The following CHIC1 variants were observed in gnomAD, a reference collection of about 807,000 sequenced individuals.
The protein encoded by CHIC1 is cysteine rich hydrophobic domain 1, also known as cysteine-rich hydrophobic domain-containing protein 1.
In CHIC1, 7 loss-of-function variants were observed where a neutral mutation model predicts 18.5. That is an observed-to-expected ratio of 0.38 (90% CI 0.22 to 0.71). The LOEUF (loss-of-function observed/expected upper bound fraction) is 0.71. Ranked by LOEUF, CHIC1 falls within the 30% of genes least tolerant of loss-of-function variation. The probability of loss-of-function intolerance (pLI) is 0.49; values close to 1 mark genes in which losing one functional copy is unlikely to be tolerated. For missense variants in CHIC1, 159 were observed against 176.9 expected, an observed-to-expected ratio of 0.90 and a Z score of 0.57; for synonymous variants, 77 against 73.5, an observed-to-expected ratio of 1.05 and a Z score of -0.25.
intron 3 of CHIC1, among the ~76,000 whole-genome samples, chrX:73,675,119 T>C (rs1464532467): frequency 2.7e-5 from 3 of 112,161 alleles, no homozygotes; most frequent in African/African-American, 9.7e-5. Flanking sequence ...ATAATTTCTA[T>C]TCTTTTACAT....
intron 3 of CHIC1, among the ~76,000 whole-genome samples, chrX:73,593,279 G>T (rs1052533124): frequency 2.7e-5 from 3 of 111,122 alleles, no homozygotes; most frequent in Non-Finnish European, 5.7e-5. Flanking sequence ...TCCTCTAGGT[G>T]CAATGTTAGA....
At chrX:73,570,747 A>G (rs1318161735) in intron 1 of CHIC1, among the ~76,000 whole-genome samples, 1 of 111,222 alleles carries the variant, frequency 9.0e-6, no homozygotes, top group Non-Finnish European at 1.9e-5. Context: ...TCAAATACAG[A>G]TGAACTTTTG....
rs199834524 is a variant in CHIC1 at position 73,666,270 on chromosome X, G to A, written c.508-13056G>A. Among the ~76,000 whole-genome samples the A allele has an allele frequency of 4.5e-5, 5 of 111,662 alleles. No homozygotes were observed. In the East Asian group the frequency reaches 8.4e-4, roughly 19 times the overall value. ...CATTGTTCAGTTTCAATGCAGTTGTGTGATTGTATTGGGGAGTTTATTATG... is the reference window on the plus strand; with the variant it reads ...CATTGTTCAGTTTCAATGCAGTTGTATGATTGTATTGGGGAGTTTATTATG... On this transcript the variant is annotated intron_variant, in intron 3 of 5. Transcript: ENST00000373502.
intron 3 of CHIC1, among the ~76,000 whole-genome samples, chrX:73,611,136 C>T (rs2057706684): frequency 1.9e-5 from 2 of 107,774 alleles, no homozygotes; most frequent in Admixed American, 1.9e-4. Flanking sequence ...CGTCATTTAA[C>T]ATTAGGTATA....
At chrX:73,565,851 A>G (rs1361208529) in intron 1 of CHIC1, among the ~76,000 whole-genome samples, 1 of 111,172 alleles carries the variant, frequency 9.0e-6, no homozygotes, top group Admixed American at 9.6e-5. Flanking sequence ...GAAATATTTA[A>G]TATTCTCTAC....
chrX:73,601,913 A>G (rs928328076), intron 3 of CHIC1, among the ~76,000 whole-genome samples: 1 of 105,493 alleles, frequency 9.5e-6, no homozygotes, highest in African/African-American at 3.7e-5. Flanking sequence ...ACAAACTACC[A>G]TCAGAGAATA....
chrX:73,627,564 A>T (rs1019979122), intron 3 of CHIC1, among the ~76,000 whole-genome samples: 1 of 112,116 alleles, frequency 8.9e-6, no homozygotes, highest in Non-Finnish European at 1.9e-5. Context: ...AAGGCAGAGG[A>T]GCTTGACCCC....
chrX:73,681,214 T>A lies in CHIC1; in HGVS notation c.*209T>A. 1 of 368,172 alleles carries A rather than the reference T, an allele frequency of 2.7e-6. No individual in the cohort carries two copies. Among genetic ancestry groups the A allele is most frequent in the East Asian group, 4.7e-5 (1 of 21,065 alleles). 30.3% of individuals were successfully genotyped at this position (368,172 alleles called of 1,213,427 possible). On this transcript the variant is annotated 3_prime_UTR_variant, in exon 6 of 6. Transcript: ENST00000373502. Reference sequence around the variant, plus strand: ...GGCTTGTGTTTTGCACTCTCAATTTTAAATACACACACATGCGTGTGTGCA... The same window carrying A: ...GGCTTGTGTTTTGCACTCTCAATTTAAAATACACACACATGCGTGTGTGCA...
chrX:73,673,671 A>G (rs1305522278), intron 3 of CHIC1, among the ~76,000 whole-genome samples: 1 of 111,850 alleles, frequency 8.9e-6, no homozygotes, highest in Admixed American at 9.5e-5. Flanking sequence ...GGTTTTCTAG[A>G]TATACAATCA....
At chrX:73,588,527 TG>T (rs1421658134) in intron 3 of CHIC1, among the ~76,000 whole-genome samples, 4 of 111,254 alleles carry the variant, frequency 3.6e-5, no homozygotes, top group Non-Finnish European at 5.7e-5. Flanking sequence ...TTTTATCACC[TG>T]CAAGGAAAAT....
rs2057929992 is a variant in CHIC1 at position 73,653,902 on chromosome X, T to A, written c.508-25424T>A. Among the ~76,000 whole-genome samples the A allele has an allele frequency of 2.7e-5, 3 of 112,696 alleles. No homozygotes were observed. The Admixed American group carries it at 2.8e-4, about 11-fold the overall frequency. On this transcript the variant is annotated intron_variant, in intron 3 of 5. Coordinates refer to ENST00000373502, the MANE Select transcript of CHIC1 (RefSeq NM_001039840.4). ...TATGCTACTGACATTCATGTGTTGA[T>A]TTTGCATCCTGCAACTTTACTGAAT... is the stretch of plus-strand genomic sequence containing the variant.
At chrX:73,659,568 G>C (rs2057969645) in intron 3 of CHIC1, among the ~76,000 whole-genome samples, 1 of 110,194 alleles carries the variant, frequency 9.1e-6, no homozygotes, top group South Asian at 3.9e-4. Context: ...TTAATACCAT[G>C]ACACTTGCAA....
intron 3 of CHIC1, among the ~76,000 whole-genome samples, chrX:73,662,101 G>A (rs2057983771): frequency 9.1e-6 from 1 of 109,925 alleles, no homozygotes; most frequent in Non-Finnish European, 1.9e-5. Flanking sequence ...AAAGAAGTAT[G>A]AGATAAGAAC....
At chrX:73,650,581 A>G (rs2057911183) in intron 3 of CHIC1, among the ~76,000 whole-genome samples, 1 of 110,334 alleles carries the variant, frequency 9.1e-6, no homozygotes, top group Non-Finnish European at 1.9e-5. Context: ...AAAATCTACA[A>G]GAAATTGATA....
chrX:73,643,899 C>T (rs1039229150), intron 3 of CHIC1, among the ~76,000 whole-genome samples: 9 of 112,328 alleles, frequency 8.0e-5, no homozygotes, highest in Admixed American at 9.4e-5. Flanking sequence ...ATCTTTGTTC[C>T]GTTGCTGGTG....
rs780356355 is a variant in CHIC1 at position 73,569,226 on chromosome X, AAACT to A, written c.296+5647_296+5650del. Reference sequence around the variant, plus strand: ...AGAATTTTACGACATTTTCTTAAACAAACTGAGTACGTGAACTTTAATTTGTGCA... The same window carrying A: ...AGAATTTTACGACATTTTCTTAAACAGAGTACGTGAACTTTAATTTGTGCA... On this transcript the variant is annotated intron_variant, in intron 1 of 5. Coordinates refer to ENST00000373502, the MANE Select transcript of CHIC1 (RefSeq NM_001039840.4). 8.6e-3 allele frequency among the ~76,000 whole-genome samples: 959 copies of A among 111,293 alleles called. 5 individuals are homozygous for A. Among genetic ancestry groups the A allele is most frequent in the Non-Finnish European group, 0.014 (764 of 52,860 alleles).
At chrX:73,576,416 A>G (rs2057499518) in intron 1 of CHIC1, among the ~76,000 whole-genome samples, 1 of 109,264 alleles carries the variant, frequency 9.2e-6, no homozygotes. Context: ...TATGACTATA[A>G]CATTACAAGG....
chrX:73,566,131 A>G (rs992404556), intron 1 of CHIC1, among the ~76,000 whole-genome samples: 2 of 109,891 alleles, frequency 1.8e-5, no homozygotes, highest in African/African-American at 3.3e-5. Flanking sequence ...CCAGAATTAT[A>G]TCATCATAGT....
At chrX:73,650,002 C>T (rs1037438374) in intron 3 of CHIC1, among the ~76,000 whole-genome samples, 1 of 112,402 alleles carries the variant, frequency 8.9e-6, no homozygotes, top group African/African-American at 3.2e-5. Context: ...GACCACAGTG[C>T]AATCTAATTA....
Sources: gnomAD v4.1 joint callset for allele counts (sites outside exome capture counted in the v4.1 genomes callset) on GRCh38, gnomAD v4.1.1 for gene constraint, MANE v1.5 for transcripts, NCBI Gene and HGNC (gene_info 2026-07-23, HGNC 2026-07-21) for gene names.